MYO5B: variants seen among roughly 807,000 people sequenced by gnomAD.
The protein encoded by MYO5B is myosin VB.
Under a neutral mutation model 229.3 loss-of-function variants are expected in MYO5B, and 143 were observed. The observed-to-expected ratio is 0.62, with a 90% CI of 0.54 to 0.72. The LOEUF is 0.72. Ranked by LOEUF, MYO5B falls within the 30% of genes least tolerant of loss-of-function variation. MYO5B has a pLI of 0.00. For synonymous variants in MYO5B, 918 were observed against 885.2 expected (o/e 1.04, Z -0.66); for missense variants, 2,321 against 2,331.0 (o/e 1.00, Z 0.09).
chr18:49,933,064 C>A (rs1438220873), intron 16 of MYO5B, among the ~76,000 whole-genome samples: 1 of 152,176 alleles, frequency 6.6e-6, no homozygotes, highest in East Asian at 1.9e-4. Context: ...AGAGAGGATC[C>A]CACTGTGTTA....
chr18:49,961,537 C>G (rs17658998), intron 12 of MYO5B, among the ~76,000 whole-genome samples: 25,521 of 152,242 alleles, frequency 0.17, 2,397 homozygotes, highest in Non-Finnish European at 0.22. Flanking sequence ...TGGGTTCTTT[C>G]CCTTGCAATA....
intron 4 of MYO5B, among the ~76,000 whole-genome samples, chr18:50,019,215 A>G (rs1406819232): frequency 2.0e-5 from 3 of 152,226 alleles, no homozygotes; most frequent in Non-Finnish European, 4.4e-5. Flanking sequence ...ACCATAAGCT[A>G]TTATGTAATA....
intron 13 of MYO5B, 41 bp downstream of exon 13, chr18:49,954,272 G>A: frequency 1.2e-6 from 2 of 1,612,038 alleles, no homozygotes; most frequent in East Asian, 2.2e-5. Context: ...TACTTAGAGA[G>A]GGGCCAAGGG....
At chr18:50,110,092 G>A (rs749183288) in intron 1 of MYO5B, among the ~76,000 whole-genome samples, 1 of 152,058 alleles carries the variant, frequency 6.6e-6, no homozygotes, top group Non-Finnish European at 1.5e-5. Flanking sequence ...GGCCTGCTGT[G>A]CCTCAGGCCT....
At chr18:50,052,010 A>C (rs1159682850) in intron 2 of MYO5B, among the ~76,000 whole-genome samples, 4 of 152,190 alleles carry the variant, frequency 2.6e-5, no homozygotes, top group Non-Finnish European at 4.4e-5. Flanking sequence ...ATGAGATACC[A>C]TCTCACACCA....
intron 22 of MYO5B, among the ~76,000 whole-genome samples, chr18:49,894,478 G>T (rs1246844844): frequency 3.9e-5 from 6 of 152,176 alleles, no homozygotes; most frequent in African/African-American, 1.2e-4. Flanking sequence ...CCACCAGGGT[G>T]GGTGTGACAG....
chr18:50,138,512 GGCACCAGA>G (rs1170793618), intron 1 of MYO5B, among the ~76,000 whole-genome samples: 1 of 152,152 alleles, frequency 6.6e-6, no homozygotes, highest in Non-Finnish European at 1.5e-5. Context: ...AGAAAAGAAA[GGCACCAGA>G]ACAGTGTTAA....
Position 50,006,364 on chromosome 18 carries a change from G to A in MYO5B, c.456-4953C>T, listed in dbSNP as rs575289851. 2.0e-5 allele frequency among the ~76,000 whole-genome samples: 3 copies of A among 152,232 alleles called. No homozygotes were observed. In the South Asian group the frequency reaches 6.2e-4, roughly 32 times the overall value. ...AATAAAGCCACCTCTCCTGAGCCCA[G>A]TGAAATTCCTTTCATGTAGAGGGAG... On this transcript the variant is annotated intron_variant, in intron 4 of 39. Coordinates refer to ENST00000285039, the MANE Select transcript of MYO5B (RefSeq NM_001080467.3).
In MYO5B at chr18:49,843,182, T is replaced by C. The variant is rs114787499; in HGVS notation, c.4611+59A>G. On this transcript the variant is annotated intron_variant, in intron 34 of 39. Transcript: ENST00000285039. ...AAACCCAGACACAGAGAAGCAACAGTAAGGGGCTGGCTTCACTCTACCCAC... is the reference window on the plus strand; with the variant it reads ...AAACCCAGACACAGAGAAGCAACAGCAAGGGGCTGGCTTCACTCTACCCAC... The C allele has an allele frequency of 4.8e-4, 778 of 1,604,348 alleles. 2 individuals carry two copies. The African/African-American group carries it at 9.5e-3, about 20-fold the overall frequency.
intron 22 of MYO5B, among the ~76,000 whole-genome samples, chr18:49,894,247 T>C (rs1031369827): frequency 1.3e-5 from 2 of 149,202 alleles, no homozygotes; most frequent in Non-Finnish European, 3.0e-5. Flanking sequence ...GCGGGCAACA[T>C]GCTATTTCCC....
intron 10 of MYO5B, 39 bp downstream of exon 10, chr18:49,974,311 C>G: frequency 6.2e-7 from 1 of 1,614,004 alleles, no homozygotes; most frequent in African/African-American, 1.3e-5. Flanking sequence ...GGAAGCCACT[C>G]CCAGGTAGCA....
intron 10 of MYO5B, among the ~76,000 whole-genome samples, chr18:49,967,852 A>C (rs1193656444): frequency 1.3e-5 from 2 of 151,638 alleles, no homozygotes; most frequent in Non-Finnish European, 1.5e-5. Context: ...AGATGCCCCC[A>C]CCCAGGACTA....
Position 49,929,523 on chromosome 18 carries a change from G to A in MYO5B, c.2079C>T (p.Gly693=). 1 of 1,606,978 alleles carries A rather than the reference G, an allele frequency of 6.2e-7. No individual in the cohort carries two copies. Among genetic ancestry groups the A allele is most frequent in the Non-Finnish European group, 8.5e-7 (1 of 1,178,080 alleles). ...VLETIRISAA[G]YPSRWAYHDF... ...GGCACGTTAGTTACCTGGATGGGTAGCCAGCTGCACTGATTCGAATCGTCT... is the reference window on the plus strand; with the variant it reads ...GGCACGTTAGTTACCTGGATGGGTAACCAGCTGCACTGATTCGAATCGTCT... The change falls in exon 17 of 40, where the codon GGC becomes GGT. Residue 693 remains glycine (G), a synonymous_variant. Transcript: ENST00000285039.
At chr18:50,048,946 G>C (rs2941746) in intron 2 of MYO5B, among the ~76,000 whole-genome samples, 146,856 of 151,592 alleles carry the variant, frequency 0.97, 71,292 homozygotes, top group East Asian at 1. Context: ...TACTTGAACC[G>C]GGGGGGCAGA....
chr18:49,917,130 T>C (rs778261779), intron 17 of MYO5B, among the ~76,000 whole-genome samples: 3 of 152,184 alleles, frequency 2.0e-5, no homozygotes, highest in Non-Finnish European at 4.4e-5. Flanking sequence ...ACAGAGAGCA[T>C]TCCACCTCGT....
intron 13 of MYO5B, 81 bp from the exon 14 acceptor site, chr18:49,953,424 C>A: frequency 7.8e-7 from 1 of 1,279,598 alleles, no homozygotes; most frequent in Non-Finnish European, 1.1e-6. Context: ...ATCCAGGTAG[C>A]ATTTTCTGAA....
chr18:50,067,825 A>C (rs2030859802), intron 1 of MYO5B, among the ~76,000 whole-genome samples: 1 of 152,154 alleles, frequency 6.6e-6, no homozygotes, highest in Admixed American at 6.5e-5. Context: ...CACCTCTTCT[A>C]TCAACTACCC....
intron 1 of MYO5B, among the ~76,000 whole-genome samples, chr18:50,120,231 GTTC>G (rs1230549247): frequency 6.6e-6 from 1 of 152,188 alleles, no homozygotes; most frequent in Non-Finnish European, 1.5e-5. Context: ...CCTTCACAGT[GTTC>G]TTCTCCTCCA....
At chr18:49,882,667 T>G (rs2024601838) in intron 22 of MYO5B, among the ~76,000 whole-genome samples, 1 of 147,876 alleles carries the variant, frequency 6.8e-6, no homozygotes, top group African/African-American at 2.5e-5. Context: ...CTTCACAGAG[T>G]TTCTCATCAT....
Sources: allele counts gnomAD v4.1 joint callset (sites outside exome capture counted in the v4.1 genomes callset), GRCh38; gene constraint gnomAD v4.1.1; transcripts MANE v1.5; gene names NCBI Gene and HGNC (gene_info 2026-07-23, HGNC 2026-07-21).